RIT2: variants seen among roughly 807,000 people sequenced by gnomAD.
The protein encoded by RIT2 is GTP-binding protein Rit2.
Under a neutral mutation model 23.7 loss-of-function variants are expected in RIT2, and 24 were observed. The ratio of observed to expected loss-of-function variants is 1.01; its 90% confidence interval spans 0.73 to 1.43. RIT2 has a LOEUF of 1.43. Among genes scored for constraint, RIT2 ranks in the 40% most tolerant of loss-of-function variants. RIT2 has a pLI of 0.00. For missense variants in RIT2, 236 were observed against 266.9 expected (o/e 0.88, Z 0.81); for synonymous variants, 107 against 91.1 (o/e 1.17, Z -0.99).
intron 3 of RIT2, among the ~76,000 whole-genome samples, chr18:42,971,540 A>G (rs1910361421): frequency 6.6e-6 from 1 of 152,030 alleles, no homozygotes; most frequent in Non-Finnish European, 1.5e-5. Context: ...AAAATGTTCT[A>G]TTAATATTCT....
chr18:42,877,232 C>T (rs1329208679), intron 4 of RIT2, among the ~76,000 whole-genome samples: 5 of 151,752 alleles, frequency 3.3e-5, no homozygotes, highest in African/African-American at 7.3e-5. Flanking sequence ...GAAATATATA[C>T]ATAAAATTTA....
chr18:43,055,167 T>C (rs1388999502), intron 1 of RIT2, among the ~76,000 whole-genome samples: 2 of 152,136 alleles, frequency 1.3e-5, no homozygotes, highest in Admixed American at 6.6e-5. Context: ...AAGAGCAACC[T>C]GATAAATCAG....
At chr18:43,114,964 A>G (rs1914034321) in intron 1 of RIT2, among the ~76,000 whole-genome samples, 1 of 152,164 alleles carries the variant, frequency 6.6e-6, no homozygotes, top group Non-Finnish European at 1.5e-5. Context: ...GAACCTCCTA[A>G]TGAAAGAAAC....
At chr18:42,795,532 T>G (rs2143953058) in intron 4 of RIT2, among the ~76,000 whole-genome samples, 1 of 152,348 alleles carries the variant, frequency 6.6e-6, no homozygotes, top group South Asian at 2.1e-4. Flanking sequence ...CATGGGCTCC[T>G]GTGCGCCTGA....
At chr18:42,820,978 A>G (rs1243912098) in intron 4 of RIT2, among the ~76,000 whole-genome samples, 1 of 152,028 alleles carries the variant, frequency 6.6e-6, no homozygotes, top group Non-Finnish European at 1.5e-5. Context: ...GCTTGTTTTA[A>G]AAGAGTCAAG....
chr18:43,080,980 C>A (rs1400917686), intron 1 of RIT2, among the ~76,000 whole-genome samples: 1 of 152,124 alleles, frequency 6.6e-6, no homozygotes, highest in African/African-American at 2.4e-5. Flanking sequence ...CTGGGGCGAA[C>A]GTCAACAGAT....
chr18:42,987,301 G>A (rs1910734232), intron 2 of RIT2, among the ~76,000 whole-genome samples: 1 of 152,128 alleles, frequency 6.6e-6, no homozygotes, highest in African/African-American at 2.4e-5. Flanking sequence ...TGTGATGTGA[G>A]AAGAAGCATG....
At chr18:43,087,471 A>C (rs574457701) in intron 1 of RIT2, among the ~76,000 whole-genome samples, 1 of 152,174 alleles carries the variant, frequency 6.6e-6, no homozygotes, top group East Asian at 1.9e-4. Flanking sequence ...TCCCTTTGAG[A>C]TTCAAACAAG....
intron 1 of RIT2, among the ~76,000 whole-genome samples, chr18:43,083,925 A>C (rs1014486230): frequency 2.0e-5 from 3 of 152,208 alleles, no homozygotes; most frequent in Non-Finnish European, 4.4e-5. Context: ...AGCAAAAGAA[A>C]CTATCATCAG....
At chr18:42,919,302 G>A (rs1908994014) in intron 4 of RIT2, among the ~76,000 whole-genome samples, 1 of 152,112 alleles carries the variant, frequency 6.6e-6, no homozygotes, top group Admixed American at 6.6e-5. Flanking sequence ...TTTCAACTCA[G>A]TACTTCAAGA....
intron 1 of RIT2, among the ~76,000 whole-genome samples, chr18:43,098,546 A>T (rs1598783413): frequency 6.6e-6 from 1 of 151,978 alleles, no homozygotes; most frequent in African/African-American, 2.4e-5. Flanking sequence ...TGGAGAAAAC[A>T]TAATTGTCAG....
intron 4 of RIT2, among the ~76,000 whole-genome samples, chr18:42,908,816 A>C (rs1908691704): frequency 6.6e-6 from 1 of 152,150 alleles, no homozygotes. Flanking sequence ...AGTTGGTGCA[A>C]AAATAATTGT....
chr18:42,801,490 A>G (rs1567999727), intron 4 of RIT2, among the ~76,000 whole-genome samples: 1 of 152,228 alleles, frequency 6.6e-6, no homozygotes, highest in Non-Finnish European at 1.5e-5. Context: ...TAGAACACTG[A>G]CAACATCTGG....
chr18:42,912,881 A>G (rs1265738312), intron 4 of RIT2, among the ~76,000 whole-genome samples: 1 of 151,974 alleles, frequency 6.6e-6, no homozygotes, highest in Non-Finnish European at 1.5e-5. Flanking sequence ...TCAAAATGTC[A>G]TCGTAGTTCT....
At chr18:42,915,685 CTATT>C (rs1340680790) in intron 4 of RIT2, among the ~76,000 whole-genome samples, 2 of 151,904 alleles carry the variant, frequency 1.3e-5, no homozygotes, top group Admixed American at 6.6e-5. Flanking sequence ...AAGTGGAAGT[CTATT>C]TAGGTGTAGA....
At position 42,743,728 on chromosome 18, in the gene RIT2, A is replaced by G. The variant is rs761708100; in HGVS notation, c.427-8T>C. ...GCCTTCTTCTGTAGAAACCTAAGGA[A>G]AAAACAAATAATATTAAAAAGACAG... On this transcript the variant is annotated splice_region_variant and splice_polypyrimidine_tract_variant and intron_variant, in intron 4 of 4. Coordinates refer to ENST00000326695, the MANE Select transcript of RIT2 (RefSeq NM_002930.4). The G allele has an allele frequency of 2.6e-6, 4 of 1,558,442 alleles. No homozygotes were observed. The Admixed American group carries it at 7.1e-5, about 28-fold the overall frequency.
intron 1 of RIT2, among the ~76,000 whole-genome samples, chr18:43,088,475 A>C (rs992702174): frequency 6.6e-6 from 1 of 152,200 alleles, no homozygotes; most frequent in Non-Finnish European, 1.5e-5. Context: ...CTATTGCATA[A>C]AATTTTCCTC....
At chr18:42,872,149 T>C (rs1343148040) in intron 4 of RIT2, among the ~76,000 whole-genome samples, 1 of 152,226 alleles carries the variant, frequency 6.6e-6, no homozygotes, top group African/African-American at 2.4e-5. Context: ...TGGACTTTTT[T>C]CTTTTAGTGT....
At chr18:42,981,915 A>G (rs1015285027) in intron 2 of RIT2, among the ~76,000 whole-genome samples, 2 of 152,182 alleles carry the variant, frequency 1.3e-5, no homozygotes, top group African/African-American at 4.8e-5. Context: ...AACACATATC[A>G]CAAAGGTTGT....
Sources: gnomAD v4.1 joint callset for allele counts (sites outside exome capture counted in the v4.1 genomes callset) on GRCh38, gnomAD v4.1.1 for gene constraint, MANE v1.5 for transcripts, NCBI Gene and HGNC (gene_info 2026-07-23, HGNC 2026-07-21) for gene names.